The following KLHL13 variants were observed in gnomAD, a reference collection of about 807,000 sequenced individuals.
The protein encoded by KLHL13 is kelch like family member 13.
In KLHL13, 10 loss-of-function variants were observed where a neutral mutation model predicts 37.1. The observed-to-expected ratio is 0.27, with a 90% CI of 0.17 to 0.46. The LOEUF (loss-of-function observed/expected upper bound fraction) is 0.46, where lower values mean the gene tolerates loss of function less well. Among genes scored for constraint, KLHL13 ranks in the 20% least tolerant of loss-of-function variants. KLHL13 has a pLI of 1.00. For synonymous variants in KLHL13, 163 were observed against 181.2 expected (o/e 0.90, Z 0.81); for missense variants, 360 against 509.3 (o/e 0.71, Z 2.82).
At chrX:117,985,673 G>GA (rs1021688790) in intron 1 of KLHL13, among the ~76,000 whole-genome samples, 10 of 107,746 alleles carry the variant, frequency 9.3e-5, no homozygotes, top group Admixed American at 2.0e-4. Context: ...ATCCAACTTA[G>GA]AAAAAAAAAC....
chrX:117,969,636 C>G (rs773204295), intron 1 of KLHL13, among the ~76,000 whole-genome samples: 15 of 111,249 alleles, frequency 1.3e-4, no homozygotes, highest in Non-Finnish European at 2.5e-4. Flanking sequence ...TGGCACACCA[C>G]CCTGCAATGC....
intron 1 of KLHL13, among the ~76,000 whole-genome samples, chrX:118,012,559 G>A (rs2054081488): frequency 9.2e-6 from 1 of 108,380 alleles, no homozygotes; most frequent in South Asian, 4.2e-4. Flanking sequence ...CTGCCTGAAC[G>A]GTCCAGGATA....
intron 5 of KLHL13, among the ~76,000 whole-genome samples, chrX:117,908,437 C>T (rs947557770): frequency 8.3e-5 from 9 of 108,632 alleles, no homozygotes; most frequent in Non-Finnish European, 9.5e-5. Context: ...TGTTCCCCTC[C>T]CTGTGACAGA....
intron 5 of KLHL13, among the ~76,000 whole-genome samples, chrX:117,905,615 T>C (rs917711146): frequency 8.9e-6 from 1 of 111,749 alleles, no homozygotes; most frequent in African/African-American, 3.2e-5. Flanking sequence ...GCCTAATGCA[T>C]TAAAGTGATC....
chrX:117,945,329 C>T (rs1402365141), intron 2 of KLHL13, 105 bp downstream of exon 3: 1 of 784,604 alleles, frequency 1.3e-6, no homozygotes, highest in East Asian at 3.3e-5. Flanking sequence ...CCTATTCACA[C>T]ATACACACCC....
intron 2 of KLHL13, among the ~76,000 whole-genome samples, chrX:117,929,789 A>C (rs1196948320): frequency 1.9e-5 from 2 of 104,025 alleles, no homozygotes; most frequent in Non-Finnish European, 3.9e-5. Flanking sequence ...AAAAAAAAAA[A>C]AAAAAAAAAA....
Position 118,056,732 on chromosome X carries a change from A to C in KLHL13, c.-56+59776T>G, listed in dbSNP as rs552289605. 1.3e-4 allele frequency among the ~76,000 whole-genome samples: 14 copies of C among 111,532 alleles called. No individual in the cohort carries two copies. The East Asian group carries it at 3.9e-3, about 31-fold the overall frequency. On this transcript the variant is annotated intron_variant, in intron 1 of 6. Transcript: ENST00000371882. Reference sequence around the variant, plus strand: ...CATGGTAATAGGCCTTTAGAAGCTTAATGACATAGGTTCAGCTGTCACTTT... The same window carrying C: ...CATGGTAATAGGCCTTTAGAAGCTTCATGACATAGGTTCAGCTGTCACTTT...
At chrX:118,069,014 C>T (rs991479835) in intron 1 of KLHL13, among the ~76,000 whole-genome samples, 3 of 109,532 alleles carry the variant, frequency 2.7e-5, no homozygotes, top group African/African-American at 6.7e-5. Flanking sequence ...GCACCCTGCC[C>T]CTAGGGACCT....
Position 118,049,642 on chromosome X carries a change from C to T in KLHL13, c.-56+66866G>A, listed in dbSNP as rs190869682. Among the ~76,000 whole-genome samples, 24 of 110,090 alleles carry T rather than the reference C, an allele frequency of 2.2e-4. No homozygotes were observed. In the East Asian group the frequency reaches 3.4e-3, roughly 16 times the overall value. On this transcript the variant is annotated intron_variant, in intron 1 of 6. Coordinates refer to the KLHL13 transcript ENST00000371882. ...GGTCTATCTGGTATGCTCCCACACA[C>T]GCACCCTAACAAAATAACAGTTGCA... is the stretch of plus-strand genomic sequence containing the variant.
chrX:117,998,593 T>C (rs1209731435), intron 1 of KLHL13, among the ~76,000 whole-genome samples: 1 of 111,364 alleles, frequency 9.0e-6, no homozygotes, highest in African/African-American at 3.3e-5. Context: ...CAGACATTAT[T>C]GGAGAGGGCA....
At chrX:118,009,131 T>C (rs2054024894) in intron 1 of KLHL13, among the ~76,000 whole-genome samples, 1 of 104,392 alleles carries the variant, frequency 9.6e-6, no homozygotes, top group Admixed American at 1.1e-4. Context: ...TTTGAGTTCA[T>C]TGTAGATTCT....
At chrX:118,039,385 G>T (rs749222060) in intron 1 of KLHL13, among the ~76,000 whole-genome samples, 1 of 112,332 alleles carries the variant, frequency 8.9e-6, no homozygotes, top group African/African-American at 3.2e-5. Flanking sequence ...AGGACAGGCA[G>T]CATTCACCAC....
At chrX:118,098,148 C>A (rs778267262) in intron 1 of KLHL13, among the ~76,000 whole-genome samples, 1 of 111,645 alleles carries the variant, frequency 9.0e-6, no homozygotes, top group Non-Finnish European at 1.9e-5. Flanking sequence ...AGGCAACCTA[C>A]AGAATGGGAG....
upstream of KLHL13, among the ~76,000 whole-genome samples, chrX:117,978,178 T>C (rs191836701): frequency 8.9e-6 from 1 of 112,590 alleles, no homozygotes; most frequent in African/African-American, 3.2e-5. Context: ...TAGCTATGAC[T>C]ATGCCTTGGA....
At chrX:117,984,489 A>G (rs914831467) in intron 1 of KLHL13, among the ~76,000 whole-genome samples, 1 of 111,556 alleles carries the variant, frequency 9.0e-6, no homozygotes, top group East Asian at 2.8e-4. Flanking sequence ...TAACTATATC[A>G]AAGTCATAGT....
chrX:118,008,987 A>C (rs2054022007), intron 1 of KLHL13, among the ~76,000 whole-genome samples: 1 of 112,111 alleles, frequency 8.9e-6, no homozygotes, highest in Non-Finnish European at 1.9e-5. Context: ...TTGCCAATAC[A>C]ACTACTATGA....
chrX:118,100,311 A>T (rs1355597154), intron 1 of KLHL13, among the ~76,000 whole-genome samples: 2 of 111,504 alleles, frequency 1.8e-5, no homozygotes, highest in African/African-American at 6.5e-5. Context: ...GTTCTCAGTT[A>T]CTTCTGGAAT....
intron 2 of KLHL13, among the ~76,000 whole-genome samples, chrX:117,925,666 G>A (rs1163282760): frequency 2.7e-5 from 3 of 111,896 alleles, no homozygotes; most frequent in African/African-American, 6.5e-5. Flanking sequence ...TTCCATCACT[G>A]CAATATAGCA....
intron 2 of KLHL13, 30 bp downstream of exon 3, chrX:117,945,404 A>G: frequency 8.4e-7 from 1 of 1,191,794 alleles, no homozygotes; most frequent in Middle Eastern, 2.3e-4. Flanking sequence ...AAAGCTACGT[A>G]AACACTACCA....
Sources: gnomAD v4.1 joint callset for allele counts (sites outside exome capture counted in the v4.1 genomes callset) on GRCh38, gnomAD v4.1.1 for gene constraint, MANE v1.5 for transcripts, NCBI Gene and HGNC (gene_info 2026-07-23, HGNC 2026-07-21) for gene names.